GFRA2: variants seen among roughly 807,000 people sequenced by gnomAD.
GFRA2 encodes the protein GDNF family receptor alpha 2.
Under a neutral mutation model 48.3 loss-of-function variants are expected in GFRA2, and 17 were observed. The ratio of observed to expected loss-of-function variants is 0.35; its 90% CI spans 0.24 to 0.53. The LOEUF is 0.53. Ranked by LOEUF, GFRA2 falls within the 20% of genes least tolerant of loss-of-function variation. The pLI, the probability that GFRA2 is intolerant of heterozygous loss-of-function variation, is 0.93. For synonymous variants in GFRA2, 305 were observed against 257.2 expected (o/e 1.19, Z -1.78); for missense variants, 660 against 637.3 (o/e 1.04, Z -0.38).
chr8:21,718,444 C>T (rs6984905), intron 4 of GFRA2, among the ~76,000 whole-genome samples: 152,290 of 152,356 alleles, frequency 1, 76,112 homozygotes, highest in Middle Eastern at 1. Flanking sequence ...GACTAATAGA[C>T]AGTCCTTACA....
intron 4 of GFRA2, among the ~76,000 whole-genome samples, chr8:21,746,541 G>A (rs926834616): frequency 2.0e-5 from 3 of 152,260 alleles, no homozygotes; most frequent in Admixed American, 1.3e-4. Flanking sequence ...AGTGAGCCAT[G>A]TACCTAATTC....
intron 1 of GFRA2, among the ~76,000 whole-genome samples, chr8:21,785,033 C>T (rs927424279): frequency 1.1e-4 from 16 of 152,238 alleles, no homozygotes; most frequent in Non-Finnish European, 1.9e-4. Flanking sequence ...CCCGCCTCCC[C>T]ATAGGCTAAT....
chr8:21,705,266 A>G (rs955766588), intron 5 of GFRA2, 141 bp from the exon 6 acceptor site: 6 of 746,200 alleles, frequency 8.0e-6, no homozygotes, highest in Non-Finnish European at 1.3e-5. Context: ...ATCCATCCCA[A>G]TCGCACTCCT....
chr8:21,779,329 AG>A (rs1167506055), intron 2 of GFRA2, among the ~76,000 whole-genome samples: 1 of 152,226 alleles, frequency 6.6e-6, no homozygotes, highest in Admixed American at 6.5e-5. Context: ...GGATCCCATC[AG>A]CACAGTCCTC....
At chr8:21,795,554 G>C (rs1807657053) in intron 2 of GFRA2, among the ~76,000 whole-genome samples, 1 of 151,958 alleles carries the variant, frequency 6.6e-6, no homozygotes, top group Admixed American at 6.6e-5. Flanking sequence ...TGCCTTGCCT[G>C]GCTAATTTTT....
At chr8:21,720,239 C>T (rs1280477777) in intron 4 of GFRA2, among the ~76,000 whole-genome samples, 2 of 152,194 alleles carry the variant, frequency 1.3e-5, no homozygotes, top group Admixed American at 1.3e-4. Context: ...GCATGAACTT[C>T]TTCTGAGAGG....
At chr8:21,710,158 C>G (rs1267849111) in intron 4 of GFRA2, among the ~76,000 whole-genome samples, 1 of 152,192 alleles carries the variant, frequency 6.6e-6, no homozygotes, top group African/African-American at 2.4e-5. Flanking sequence ...TGACCTTGGG[C>G]TGGCCTGTCA....
chr8:21,785,170 A>G (rs1020227788), intron 1 of GFRA2, among the ~76,000 whole-genome samples: 2 of 152,216 alleles, frequency 1.3e-5, no homozygotes, highest in Non-Finnish European at 2.9e-5. Context: ...AGATTAGCCC[A>G]GGGGATTCAG....
chr8:21,750,357 T>C lies in GFRA2; in HGVS notation c.794+231A>G, dbSNP rs995838283. Among the ~76,000 whole-genome samples the C allele has an allele frequency of 2.0e-5, 3 of 152,092 alleles. No homozygotes were observed. The highest frequency in any genetic ancestry group is 4.4e-5 in the Non-Finnish European group (3 of 68,024). Reference sequence around the variant, plus strand: ...AAGCAAATGATAAACCTGTTCTGAGTGAATGAATGAACAAATGAATGAATA... The same window carrying C: ...AAGCAAATGATAAACCTGTTCTGAGCGAATGAATGAACAAATGAATGAATA... On this transcript the variant is annotated intron_variant, in intron 4 of 8. Transcript: ENST00000524240. The surrounding 1 kb of genome is among the most constrained non-coding windows in gnomAD (Gnocchi z 5.7).
rs560478447 is a variant in GFRA2 at position 21,750,569 on chromosome 8, G to A, written c.794+19C>T. The A allele has an allele frequency of 2.2e-5, 33 of 1,488,320 alleles. No homozygotes were observed. The highest frequency in any genetic ancestry group is 3.0e-5 in the Non-Finnish European group (33 of 1,084,706). The allele number at this position is 1,488,320 out of a possible 1,614,324, so 92.2% of individuals were successfully genotyped here. A position where few individuals can be genotyped will look rare whatever the true frequency, so the allele number is the denominator to read the frequency against. ...AAGCGCCCTCCTGCCAGCACCACCGGGGCTGCCGCGGCACTCACCGACACA... is the reference window on the plus strand; with the variant it reads ...AAGCGCCCTCCTGCCAGCACCACCGAGGCTGCCGCGGCACTCACCGACACA... On this transcript the variant is annotated intron_variant, in intron 4 of 8. Coordinates refer to ENST00000524240, the MANE Select transcript of GFRA2 (RefSeq NM_001495.5). The surrounding 1 kb of genome is among the most constrained non-coding windows in gnomAD (Gnocchi z 5.7).
chr8:21,719,355 C>T (rs1680708583), intron 4 of GFRA2, among the ~76,000 whole-genome samples: 1 of 152,220 alleles, frequency 6.6e-6, no homozygotes, highest in South Asian at 2.1e-4. Flanking sequence ...TTCACGTCCT[C>T]CAAAAACACA....
At chr8:21,777,291 A>G (rs961000945) in intron 2 of GFRA2, among the ~76,000 whole-genome samples, 19 of 151,850 alleles carry the variant, frequency 1.3e-4, no homozygotes, top group African/African-American at 4.1e-4. Context: ...TCCCAAGATC[A>G]GTCTTCTGTC....
upstream of GFRA2, among the ~76,000 whole-genome samples, chr8:21,789,746 C>T (rs1197816817): frequency 6.7e-6 from 1 of 150,292 alleles, no homozygotes; most frequent in Non-Finnish European, 1.5e-5. Context: ...GCCCCGGCCT[C>T]CACCCCTTCG....
chr8:21,724,723 G>T (rs1018472227), intron 4 of GFRA2, among the ~76,000 whole-genome samples: 13 of 152,154 alleles, frequency 8.5e-5, no homozygotes, highest in Admixed American at 8.5e-4. Context: ...ACATAAAGGA[G>T]ACCAAGAATA....
intron 1 of GFRA2, among the ~76,000 whole-genome samples, chr8:21,810,398 G>A (rs971110769): frequency 6.6e-5 from 10 of 152,078 alleles, no homozygotes; most frequent in South Asian, 2.1e-4. Context: ...CCACAGTCCC[G>A]TCAAGTCCTC....
intron 3 of GFRA2, among the ~76,000 whole-genome samples, chr8:21,759,453 AGAGGGAGG>A (rs201696272): frequency 0.013 from 1,206 of 90,960 alleles, 15 homozygotes; most frequent in South Asian, 0.041. Flanking sequence ...AGAGAGGGAG[AGAGGGAGG>A]GAGGGAGGGA....
intron 3 of GFRA2, among the ~76,000 whole-genome samples, chr8:21,772,279 T>C (rs1193339034): frequency 6.6e-6 from 1 of 152,178 alleles, no homozygotes; most frequent in Non-Finnish European, 1.5e-5. Context: ...CTCCTCACCA[T>C]GGCCAGTTTG....
chr8:21,787,266 G>T (rs1287461190), intron 1 of GFRA2, among the ~76,000 whole-genome samples: 2 of 149,524 alleles, frequency 1.3e-5, no homozygotes, highest in South Asian at 2.1e-4. Context: ...GAGGCGGCGG[G>T]GGGGGCAGTG....
intron 4 of GFRA2, among the ~76,000 whole-genome samples, chr8:21,721,414 G>C (rs571402393): frequency 6.6e-6 from 1 of 152,158 alleles, no homozygotes; most frequent in Admixed American, 6.5e-5. Context: ...GAAGTGCCTT[G>C]GGGACCTACA....
Sources: gnomAD v4.1 joint callset for allele counts (sites outside exome capture counted in the v4.1 genomes callset) on GRCh38, gnomAD v4.1.1 for gene constraint, Gnocchi (gnomAD v3.1) non-coding constraint, MANE v1.5 for transcripts, NCBI Gene and HGNC (gene_info 2026-07-23, HGNC 2026-07-21) for gene names.